The following HOXA3 variants were observed in gnomAD, a reference collection of about 807,000 sequenced individuals.
HOXA3 encodes homeobox protein Hox-A3.
In HOXA3, 8 loss-of-function variants were observed where a neutral mutation model predicts 30.3. That is an observed-to-expected ratio of 0.26 (90% CI 0.15 to 0.48). The LOEUF is 0.48. Ranked by LOEUF, HOXA3 falls within the 20% of genes least tolerant of loss-of-function variation. The probability of loss-of-function intolerance (pLI) is 0.99; values close to 1 mark genes in which losing one functional copy is unlikely to be tolerated. For missense variants in HOXA3, 653 were observed against 614.4 expected, an observed-to-expected ratio of 1.06 and a Z score of -0.66; for synonymous variants, 323 against 273.1, an observed-to-expected ratio of 1.18 and a Z score of -1.80.
intron 1 of HOXA3, among the ~76,000 whole-genome samples, chr7:27,148,961 G>A (rs2128063701): frequency 6.6e-6 from 1 of 152,352 alleles, no homozygotes; most frequent in East Asian, 1.9e-4. Flanking sequence ...TCCTGGGGCC[G>A]CCCTCTTTAC....
chr7:27,138,471 C>T (rs1472695635), intron 2 of HOXA3, among the ~76,000 whole-genome samples: 1 of 152,126 alleles, frequency 6.6e-6, no homozygotes, highest in Non-Finnish European at 1.5e-5. Flanking sequence ...TGAAAACTGC[C>T]CAGCTCCTAA....
chr7:27,115,163 G>A (rs941979343), intron 4 of HOXA3, among the ~76,000 whole-genome samples: 3 of 151,822 alleles, frequency 2.0e-5, no homozygotes, highest in African/African-American at 7.3e-5. Flanking sequence ...CTGTCAAGGA[G>A]CCAAAGTGTC....
At position 27,110,211 on chromosome 7, in the gene HOXA3, G is replaced by A. The variant is rs375062129; in HGVS notation, c.430C>T (p.Pro144Ser). 2.5e-6 allele frequency: 4 copies of A among 1,614,028 alleles called. No individual in the cohort carries two copies. Among genetic ancestry groups the A allele is most frequent in the East Asian group, 2.2e-5 (1 of 44,894 alleles). ...NPTPANAAKS[P>S]LLNSPTVAKQ... Reference sequence around the variant, plus strand: ...GCCACTGTGGGTGAGTTGAGCAGGGGGCTCTTGGCCGCGTTGGCAGGGGTA... The same window carrying A: ...GCCACTGTGGGTGAGTTGAGCAGGGAGCTCTTGGCCGCGTTGGCAGGGGTA... The change falls in exon 5 of 6, where the codon CCC (proline) becomes TCC (serine). Residue 144 changes from proline (P) to serine (S), a missense_variant. Physicochemically the swap from Pro to Ser is moderately conservative, Grantham distance 74. This residue lies in a region of HOXA3 where 320 missense variants were observed against 321.9 expected (regional missense o/e 0.99). Coordinates refer to ENST00000612286, the MANE Select transcript of HOXA3 (RefSeq NM_153631.3).
Position 27,108,200 on chromosome 7 carries a change from C to A in HOXA3, c.1047G>T (p.Leu349=), listed in dbSNP as rs758645790. The change falls in exon 6 of 6, where the codon CTG becomes CTT. Residue 349 remains leucine (L), a synonymous_variant. Transcript: ENST00000612286. This position sits in a 1 kb window ranked among gnomAD's most constrained non-coding sequence, Gnocchi z 5.0. ...TPDYDPHAHG[L]QGNGSYGTPH... Reference sequence around the variant, plus strand: ...GGGTCCCATAGCTGCCGTTGCCCTGCAGGCCATGAGCGTGCGGGTCATAGT... The same window carrying A: ...GGGTCCCATAGCTGCCGTTGCCCTGAAGGCCATGAGCGTGCGGGTCATAGT... 1 of 1,543,696 alleles carries A rather than the reference C, an allele frequency of 6.5e-7. No individual in the cohort carries two copies. The highest frequency in any genetic ancestry group is 8.7e-7 in the Non-Finnish European group (1 of 1,143,138).
rs777176111 is a variant in HOXA3, at chr7:27,108,610, T to G, written c.637A>C (p.Asn213His). 12 of 1,614,070 alleles carry G rather than the reference T, an allele frequency of 7.4e-6. No homozygotes were observed. In the Admixed American group the frequency reaches 2.0e-4, roughly 27 times the overall value. The change falls in exon 6 of 6, where the codon AAC becomes CAC. Residue 213 changes from asparagine (N) to histidine (H), a missense_variant. Around this residue, in one of 3 missense-constraint regions of HOXA3, gnomAD observed 320 missense variants for 321.9 expected, o/e 0.99. Coordinates refer to ENST00000612286, the MANE Select transcript of HOXA3 (RefSeq NM_153631.3). This position sits in a 1 kb window ranked among gnomAD's most constrained non-coding sequence, Gnocchi z 5.0. ...CGGCGCGGCCGGCACAGGTAGCGGTTGAAGTGGAACTCTTTCTCCAGCTCC... is the reference window on the plus strand; with the variant it reads ...CGGCGCGGCCGGCACAGGTAGCGGTGGAAGTGGAACTCTTTCTCCAGCTCC... ...LVELEKEFHFNRYLCRPRRVE... is the reference protein window; with the variant it reads ...LVELEKEFHFHRYLCRPRRVE...
intron 1 of HOXA3, among the ~76,000 whole-genome samples, chr7:27,148,407 ACTCCCTCATT>A (rs1337854198): frequency 3.9e-5 from 6 of 152,234 alleles, no homozygotes; most frequent in East Asian, 1.9e-4. Flanking sequence ...GAATCGGTGA[ACTCCCTCATT>A]CTCTCCTTCT....
intron 2 of HOXA3, chr7:27,129,449 C>T: frequency 6.2e-7 from 1 of 1,614,192 alleles, no homozygotes; most frequent in Non-Finnish European, 8.5e-7. Context: ...TGGGCGATCT[C>T]GATGCGGCGC....
chr7:27,118,503 T>C (rs1434524478), intron 4 of HOXA3, among the ~76,000 whole-genome samples: 1 of 152,126 alleles, frequency 6.6e-6, no homozygotes, highest in East Asian at 1.9e-4. Flanking sequence ...GGAGGGTAGG[T>C]GGGGAACCTT....
intron 1 of HOXA3, among the ~76,000 whole-genome samples, chr7:27,142,503 T>A (rs113992860): frequency 1.3e-5 from 2 of 152,254 alleles, no homozygotes; most frequent in South Asian, 4.1e-4. Flanking sequence ...CGCCTCCCGT[T>A]TCCAGCCTGC....
intron 1 of HOXA3, chr7:27,145,938 G>A (rs1025347818): frequency 4.4e-6 from 7 of 1,604,530 alleles, no homozygotes; most frequent in Non-Finnish European, 5.9e-6. Context: ...AAACGGCCGG[G>A]CGCCGGTAAG....
intron 3 of HOXA3, among the ~76,000 whole-genome samples, chr7:27,124,840 G>A (rs1785211166): frequency 1.3e-5 from 2 of 152,140 alleles, no homozygotes; most frequent in South Asian, 4.1e-4. Flanking sequence ...TCTGAGGCAA[G>A]CCACCACCAT....
intron 2 of HOXA3, among the ~76,000 whole-genome samples, chr7:27,138,081 T>C (rs1158573751): frequency 6.6e-6 from 1 of 152,108 alleles, no homozygotes; most frequent in Non-Finnish European, 1.5e-5. Flanking sequence ...AAACAAGGAA[T>C]CCAGTATTCT....
intron 1 of HOXA3, chr7:27,142,052 C>T: frequency 6.2e-7 from 1 of 1,614,044 alleles, no homozygotes; most frequent in Non-Finnish European, 8.5e-7. Flanking sequence ...GTAGGCCGTC[C>T]GGGCCCTTTT....
intron 2 of HOXA3, among the ~76,000 whole-genome samples, chr7:27,138,311 C>T (rs1358153979): frequency 6.6e-6 from 1 of 152,204 alleles, no homozygotes; most frequent in Non-Finnish European, 1.5e-5. Context: ...CTAGGTTTTG[C>T]TTTCTGGACC....
intron 1 of HOXA3, chr7:27,143,075 G>A (rs1434732635): frequency 1.3e-6 from 2 of 1,546,334 alleles, no homozygotes; most frequent in South Asian, 1.3e-5. Flanking sequence ...GCGCATCCAG[G>A]GGTAGATCTG....
rs987565040 is a variant in HOXA3, at chr7:27,130,403, C to T, written c.-389-3333G>A. 3 of 1,165,884 alleles carry T rather than the reference C, an allele frequency of 2.6e-6. No homozygotes were observed. The African/African-American group carries it at 4.9e-5, about 19-fold the overall frequency. 72.2% of individuals were successfully genotyped at this position (1,165,884 alleles called of 1,614,324 possible). A position where few individuals can be genotyped will look rare whatever the true frequency, so the allele number is the denominator to read the frequency against. ...GGCTGCTCGGGCTGGGGCGGCCGCC[C>T]GGGGCTGGCGCCGCCGCGGTAGCCA... On this transcript the variant is annotated intron_variant, in intron 2 of 5. Coordinates refer to ENST00000612286, the MANE Select transcript of HOXA3 (RefSeq NM_153631.3).
intron 1 of HOXA3, chr7:27,147,885 C>A (rs1583413824): frequency 3.6e-6 from 3 of 825,568 alleles, no homozygotes; most frequent in African/African-American, 3.4e-5. Context: ...CCAGCTGACG[C>A]GGCGGCGGCC....
At chr7:27,135,164 C>T (rs1051230567) in intron 2 of HOXA3, among the ~76,000 whole-genome samples, 1 of 151,758 alleles carries the variant, frequency 6.6e-6, no homozygotes, top group Admixed American at 6.6e-5. Flanking sequence ...TCTTAGGTTG[C>T]TTTATCTTCT....
rs1273239422 is a variant in HOXA3, at chr7:27,110,330, G to T, written c.311C>A (p.Pro104Gln). 1 of 1,512,996 alleles carries T rather than the reference G, an allele frequency of 6.6e-7. No individual in the cohort carries two copies. The highest frequency in any genetic ancestry group is 8.8e-7 in the Non-Finnish European group (1 of 1,133,848). The allele number at this position is 1,512,996 out of a possible 1,614,324, so 93.7% of individuals were successfully genotyped here. A position where few individuals can be genotyped will look rare whatever the true frequency, so the allele number is the denominator to read the frequency against. ...AGGGGGCTGAGGTGCGGGCTGAGGC[G>T]GCTGTGGGGCAGGGGGCGCGGCCTG... ...PPQAAPPAPQ[P>Q]PQPAPQPPAP... is the part of the protein sequence containing the mutation. Residue 104 changes from proline to glutamine, a missense_variant, in exon 5 of 6, where the codon CCG (proline) becomes CAG (glutamine). Physicochemically the swap from Pro to Gln is moderately conservative, Grantham distance 76 (BLOSUM62 -1). Transcript: ENST00000612286.
Sources: allele counts gnomAD v4.1 joint callset (sites outside exome capture counted in the v4.1 genomes callset), GRCh38; gene constraint gnomAD v4.1.1; regional missense constraint gnomAD v4.1.1; non-coding constraint Gnocchi (gnomAD v3.1); transcripts MANE v1.5; gene names NCBI Gene and HGNC (gene_info 2026-07-23, HGNC 2026-07-21).